Variants in MYH10 observed in about 807,000 individuals in gnomAD.
The protein encoded by MYH10 is myosin heavy chain 10, also known as myosin-10.
MYH10 carries 55 observed loss-of-function variants against 257.8 expected under a neutral mutation model. The observed-to-expected ratio is 0.21, with a 90% CI of 0.17 to 0.27. MYH10 has a LOEUF of 0.27. Among genes scored for constraint, MYH10 ranks in the 10% least tolerant of loss-of-function variants. The pLI, the probability that MYH10 is intolerant of heterozygous loss-of-function variation, is 1.00. For synonymous variants in MYH10, 854 were observed against 921.7 expected (o/e 0.93, Z 1.33); for missense variants, 1,631 against 2,500.6 (o/e 0.65, Z 7.42).
chr17:8,536,061 G>T, intron 14 of MYH10, 130 bp from the exon 15 acceptor site: 3 of 820,560 alleles, frequency 3.7e-6, no homozygotes. Context: ...AGGATGGAAA[G>T]GAATGTCTAA....
chr17:8,493,793 C>G lies in MYH10; in HGVS notation c.4149G>C (p.Gln1383His). ...TCTTCCTGGCCTCCTCCTCCTCCTCCTGCTGCTCCTGAAGACTGTTCTTCT... is the reference window on the plus strand; with the variant it reads ...TCTTCCTGGCCTCCTCCTCCTCCTCGTGCTGCTCCTGAAGACTGTTCTTCT... ...EEEKNSLQEQ[Q>H]EEEEEARKNL... is the part of the protein sequence containing the mutation. The change falls in exon 32 of 43, where the codon CAG becomes CAC. Residue 1383 changes from glutamine (Q) to histidine (H), a missense_variant. By Grantham distance (24) the Gln-to-His change is conservative. Around this residue, in one of 11 missense-constraint regions of MYH10, gnomAD observed 463 missense variants for 621.8 expected, o/e 0.74. Coordinates refer to ENST00000360416, the MANE Select transcript of MYH10 (RefSeq NM_001256012.3). 1 of 1,614,094 alleles carries G rather than the reference C, an allele frequency of 6.2e-7. No homozygotes were observed. The highest frequency in any genetic ancestry group is 8.5e-7 in the Non-Finnish European group (1 of 1,179,992).
At chr17:8,570,535 T>C (rs1251611672) in intron 6 of MYH10, among the ~76,000 whole-genome samples, 1 of 152,218 alleles carries the variant, frequency 6.6e-6, no homozygotes, top group Admixed American at 6.5e-5. Flanking sequence ...CATGATGCCA[T>C]TTCTGGCCAT....
At chr17:8,589,438 T>C (rs143897606) in intron 3 of MYH10, among the ~76,000 whole-genome samples, 29 of 152,290 alleles carry the variant, frequency 1.9e-4, no homozygotes, top group African/African-American at 7.0e-4. Context: ...TTTATAAAAA[T>C]GTATTTCCTG....
chr17:8,587,688 G>C (rs528138608), intron 4 of MYH10, among the ~76,000 whole-genome samples: 2 of 151,938 alleles, frequency 1.3e-5, no homozygotes, highest in South Asian at 4.2e-4. Context: ...CCAAATCCAA[G>C]CCACTCCCAA....
At chr17:8,616,019 C>T (rs991542101) in intron 2 of MYH10, among the ~76,000 whole-genome samples, 11 of 152,350 alleles carry the variant, frequency 7.2e-5, no homozygotes, top group Middle Eastern at 3.4e-3. Context: ...CATGGTGGCT[C>T]ACGCCTATAA....
At chr17:8,602,373 G>A (rs564414362) in intron 3 of MYH10, among the ~76,000 whole-genome samples, 3 of 152,284 alleles carry the variant, frequency 2.0e-5, no homozygotes, top group South Asian at 2.1e-4. Flanking sequence ...TTCTCCACAC[G>A]GTCCTTGGTC....
At chr17:8,539,057 GC>G (rs1567867301) in intron 14 of MYH10, among the ~76,000 whole-genome samples, 1 of 152,042 alleles carries the variant, frequency 6.6e-6, no homozygotes, top group African/African-American at 2.4e-5. Flanking sequence ...TTTCTTATGA[GC>G]CCCCCCAACA....
intron 4 of MYH10, 40 bp from the exon 5 acceptor site, chr17:8,577,378 A>G (rs1398586744): frequency 3.0e-6 from 4 of 1,319,382 alleles, no homozygotes; most frequent in Non-Finnish European, 3.2e-6. Flanking sequence ...TAACGAAAGC[A>G]CAGCACATGC....
intron 14 of MYH10, among the ~76,000 whole-genome samples, chr17:8,540,352 T>G (rs1436314262): frequency 6.6e-6 from 1 of 152,074 alleles, no homozygotes; most frequent in Non-Finnish European, 1.5e-5. Context: ...GTTTAATTAC[T>G]TTACCCCATG....
At chr17:8,607,245 G>C (rs1053003472) in intron 2 of MYH10, among the ~76,000 whole-genome samples, 1 of 152,158 alleles carries the variant, frequency 6.6e-6, no homozygotes, top group Non-Finnish European at 1.5e-5. Flanking sequence ...CATGTAATTA[G>C]AGACTAGAAA....
At chr17:8,480,379 T>C (rs1913506576) in intron 39 of MYH10, 23 bp downstream of exon 39, 2 of 1,613,208 alleles carry the variant, frequency 1.2e-6, no homozygotes, top group Non-Finnish European at 1.7e-6. Flanking sequence ...CCTCCCTGGG[T>C]GACGGGCTCC....
intron 2 of MYH10, among the ~76,000 whole-genome samples, chr17:8,607,576 C>G (rs1226104999): frequency 6.6e-6 from 1 of 152,164 alleles, no homozygotes; most frequent in Non-Finnish European, 1.5e-5. Flanking sequence ...AAAATTAGCA[C>G]AAGTATTGAG....
chr17:8,547,760 A>G (rs1278910870), intron 11 of MYH10, among the ~76,000 whole-genome samples: 2 of 147,232 alleles, frequency 1.4e-5, no homozygotes, highest in Admixed American at 1.4e-4. Context: ...CATATATTTA[A>G]TAAATATATA....
chr17:8,603,566 AAG>A (rs1194709715), intron 3 of MYH10, among the ~76,000 whole-genome samples: 2 of 152,118 alleles, frequency 1.3e-5, no homozygotes, highest in Non-Finnish European at 2.9e-5. Context: ...TAATCAGAGA[AAG>A]AGAGCGCTTT....
intron 2 of MYH10, among the ~76,000 whole-genome samples, chr17:8,605,897 G>A (rs1042996076): frequency 6.6e-6 from 1 of 152,090 alleles, no homozygotes; most frequent in African/African-American, 2.4e-5. Flanking sequence ...TTCCAGCTAT[G>A]TTTGGTTAAT....
chr17:8,561,531 T>G, intron 7 of MYH10: 2 of 1,415,688 alleles, frequency 1.4e-6, no homozygotes, highest in African/African-American at 2.8e-5. Context: ...CACCCCGATT[T>G]AGACCTGCGG....
At chr17:8,567,479 T>C (rs1434401394) in intron 7 of MYH10, among the ~76,000 whole-genome samples, 1 of 152,172 alleles carries the variant, frequency 6.6e-6, no homozygotes, top group African/African-American at 2.4e-5. Flanking sequence ...TGGGCTGAAA[T>C]GCGTCCCTGC....
chr17:8,541,209 T>G (rs2082280021), intron 14 of MYH10, among the ~76,000 whole-genome samples: 1 of 152,130 alleles, frequency 6.6e-6, no homozygotes, highest in Non-Finnish European at 1.5e-5. Flanking sequence ...CCTTCAAACA[T>G]GAAGAACACA....
intron 2 of MYH10, among the ~76,000 whole-genome samples, chr17:8,613,324 G>GA (rs1286649096): frequency 2.6e-5 from 4 of 151,534 alleles, no homozygotes; most frequent in East Asian, 1.9e-4. Flanking sequence ...AAAAGATGTG[G>GA]AAAAAAAAGA....
Sources: gnomAD v4.1 joint callset for allele counts (sites outside exome capture counted in the v4.1 genomes callset) on GRCh38, gnomAD v4.1.1 for gene constraint, gnomAD v4.1.1 regional missense constraint, MANE v1.5 for transcripts, NCBI Gene and HGNC (gene_info 2026-07-23, HGNC 2026-07-21) for gene names.